DCDC1: variants seen among roughly 807,000 people sequenced by gnomAD.
The protein encoded by DCDC1 is doublecortin domain containing 1.
DCDC1 carries 200 observed loss-of-function variants against 178.3 expected under a neutral mutation model. The ratio of observed to expected loss-of-function variants is 1.12; its 90% CI spans 1.00 to 1.26. The LOEUF (loss-of-function observed/expected upper bound fraction) is 1.26, where lower values mean the gene tolerates loss of function less well. Ranked by LOEUF, DCDC1 falls within the 50% of genes most tolerant of loss-of-function variation. DCDC1 has a pLI of 0.00. For missense variants in DCDC1, 1,983 were observed against 1,749.2 expected (o/e 1.13, Z -2.38); for synonymous variants, 690 against 604.8 (o/e 1.14, Z -2.07).
intron 17 of DCDC1, among the ~76,000 whole-genome samples, chr11:31,083,803 C>A (rs1197746500): frequency 1.3e-5 from 2 of 152,154 alleles, no homozygotes; most frequent in Admixed American, 6.5e-5. Flanking sequence ...TCTGTGCGTG[C>A]ATGTGTGTGC....
intron 9 of DCDC1, among the ~76,000 whole-genome samples, chr11:31,220,858 G>T (rs900005804): frequency 2.0e-5 from 3 of 152,102 alleles, no homozygotes; most frequent in Admixed American, 2.0e-4. Context: ...CTTTCGAGGG[G>T]TCTCTTCCTG....
intron 7 of DCDC1, among the ~76,000 whole-genome samples, chr11:31,290,261 C>A (rs1947127573): frequency 6.6e-6 from 1 of 151,954 alleles, no homozygotes; most frequent in Non-Finnish European, 1.5e-5. Flanking sequence ...TTAGGTCTTA[C>A]CACTATTCTA....
chr11:30,975,713 G>T (rs11031255), intron 20 of DCDC1, among the ~76,000 whole-genome samples: 3 of 151,810 alleles, frequency 2.0e-5, no homozygotes, highest in Non-Finnish European at 4.4e-5. Flanking sequence ...AAATGAAGGG[G>T]ACACAAACAA....
rs1469526780 is a variant in DCDC1 at position 31,143,615 on chromosome 11, T to C, written c.1222-5831A>G. On this transcript the variant is annotated intron_variant, in intron 9 of 38. Transcript: ENST00000684477. ...TGAAGACTCAGTTCTCAGCTCTGCA[T>C]TGGCTCAATTACATTCCCTCAAGCT... Among the ~76,000 whole-genome samples the C allele has an allele frequency of 2.0e-5, 3 of 152,218 alleles. No individual in the cohort carries two copies. The East Asian group carries it at 5.8e-4, about 29-fold the overall frequency.
At chr11:30,933,128 C>G (rs1285967222) in intron 21 of DCDC1, among the ~76,000 whole-genome samples, 1 of 151,316 alleles carries the variant, frequency 6.6e-6, no homozygotes, top group Non-Finnish European at 1.5e-5. Flanking sequence ...GTCAGTTTGT[C>G]TTTCCCTTCA....
chr11:31,341,715 G>C (rs1429684811), intron 1 of DCDC1, among the ~76,000 whole-genome samples: 1 of 151,912 alleles, frequency 6.6e-6, no homozygotes, highest in Non-Finnish European at 1.5e-5. Context: ...ATGTCACTAG[G>C]TGATAGGCAT....
Position 30,881,313 on chromosome 11 carries a change from G to A in DCDC1, c.5083-5C>T, listed in dbSNP as rs1480978153. 1.2e-6 allele frequency: 2 copies of A among 1,612,252 alleles called. No homozygotes were observed. Among genetic ancestry groups the A allele is most frequent in the Non-Finnish European group, 1.7e-6 (2 of 1,179,162 alleles). ...AGAGGAGCAGTCTTGCAGCAGCTGA[G>A]ACACAGAGGGACAGCCACATTTGAA... On this transcript the variant is annotated splice_polypyrimidine_tract_variant and splice_region_variant and intron_variant, in intron 36 of 38. Coordinates refer to ENST00000684477, the MANE Select transcript of DCDC1 (RefSeq NM_001387274.1).
chr11:31,115,536 G>A (rs1959764041), intron 11 of DCDC1, among the ~76,000 whole-genome samples: 1 of 152,124 alleles, frequency 6.6e-6, no homozygotes, highest in South Asian at 2.1e-4. Context: ...ACTGTAACAG[G>A]ATTTATTACT....
At chr11:31,092,304 C>T (rs895316155) in intron 16 of DCDC1, among the ~76,000 whole-genome samples, 3 of 152,004 alleles carry the variant, frequency 2.0e-5, no homozygotes, top group Non-Finnish European at 4.4e-5. Context: ...TGATGACTTA[C>T]GAAAAATATT....
At chr11:31,275,770 C>G (rs926671163) in intron 7 of DCDC1, among the ~76,000 whole-genome samples, 3 of 152,190 alleles carry the variant, frequency 2.0e-5, no homozygotes, top group Admixed American at 6.6e-5. Flanking sequence ...TCCCAAAGAG[C>G]CACTGTGCCC....
intron 3 of DCDC1, among the ~76,000 whole-genome samples, chr11:31,321,205 T>G (rs1949322587): frequency 1.9e-5 from 1 of 52,866 alleles, no homozygotes; most frequent in African/African-American, 8.1e-5. Flanking sequence ...TCCCGGCTGC[T>G]TTGTTTACCT....
intron 24 of DCDC1, among the ~76,000 whole-genome samples, chr11:30,921,180 A>G (rs905631222): frequency 6.6e-6 from 1 of 152,118 alleles, no homozygotes; most frequent in Admixed American, 6.5e-5. Flanking sequence ...ATATATCGTA[A>G]TTATTCAAAT....
chr11:30,973,878 G>A (rs1194697511), intron 20 of DCDC1, among the ~76,000 whole-genome samples: 1 of 151,812 alleles, frequency 6.6e-6, no homozygotes, highest in Non-Finnish European at 1.5e-5. Flanking sequence ...CTGCATGTTA[G>A]ACCAAATGGA....
chr11:31,278,034 TATA>T (rs1946121101), intron 7 of DCDC1, among the ~76,000 whole-genome samples: 1 of 152,164 alleles, frequency 6.6e-6, no homozygotes, highest in Non-Finnish European at 1.5e-5. Context: ...TTTTGTTCTT[TATA>T]ATAAGATCTG....
intron 3 of DCDC1, among the ~76,000 whole-genome samples, chr11:31,322,724 C>T (rs1015317406): frequency 2.6e-5 from 4 of 152,170 alleles, no homozygotes; most frequent in African/African-American, 9.7e-5. Flanking sequence ...GGCAAAGACA[C>T]AATGAGCCAG....
intron 21 of DCDC1, among the ~76,000 whole-genome samples, chr11:30,944,751 T>C (rs1947895146): frequency 6.6e-6 from 1 of 152,148 alleles, no homozygotes; most frequent in South Asian, 2.1e-4. Flanking sequence ...AAATACATAG[T>C]CAACTTGTCT....
intron 3 of DCDC1, among the ~76,000 whole-genome samples, chr11:31,315,592 T>C (rs1195693811): frequency 6.7e-6 from 1 of 148,830 alleles, no homozygotes. Context: ...CACCTGGGCC[T>C]CCCAAATTGC....
chr11:31,268,176 G>A (rs1214284091), intron 7 of DCDC1, among the ~76,000 whole-genome samples: 4 of 151,734 alleles, frequency 2.6e-5, no homozygotes, highest in Middle Eastern at 3.2e-3. Flanking sequence ...GATGTCCTTC[G>A]GTACAATTTA....
chr11:31,087,125 G>T (rs766315297), intron 17 of DCDC1, among the ~76,000 whole-genome samples: 2 of 151,984 alleles, frequency 1.3e-5, no homozygotes, highest in African/African-American at 2.4e-5. Flanking sequence ...GTCTTTTAAG[G>T]GAATTGGTCT....
Sources: gnomAD v4.1 joint callset for allele counts (sites outside exome capture counted in the v4.1 genomes callset) on GRCh38, gnomAD v4.1.1 for gene constraint, MANE v1.5 for transcripts, NCBI Gene and HGNC (gene_info 2026-07-23, HGNC 2026-07-21) for gene names.